ZNF880: variants seen among roughly 807,000 people sequenced by gnomAD.
ZNF880 encodes the protein zinc finger protein LOC400713.
A neutral mutation model predicts 11.8 loss-of-function variants in ZNF880; 12 were observed. The ratio of observed to expected loss-of-function variants is 1.02; its 90% CI spans 0.65 to 1.65. The LOEUF (loss-of-function observed/expected upper bound fraction) is 1.65. ZNF880 is among the 40% of genes most tolerant of loss of function. The pLI is 0.00. For missense variants in ZNF880, 601 were observed against 673.9 expected, an observed-to-expected ratio of 0.89 and a Z score of 1.20; for synonymous variants, 210 against 232.4, an observed-to-expected ratio of 0.90 and a Z score of 0.88.
At chr19:52,378,907 G>C (rs1986630060) in intron 3 of ZNF880, among the ~76,000 whole-genome samples, 1 of 151,438 alleles carries the variant, frequency 6.6e-6, no homozygotes, top group Non-Finnish European at 1.5e-5. Context: ...GCAAGAACTT[G>C]TCTCTACAAA....
In ZNF880 at chr19:52,384,009, T is replaced by G; in HGVS notation, c.429T>G (p.Val143=). 6.4e-7 allele frequency: 1 copy of G among 1,553,590 alleles called. No homozygotes were observed. The highest frequency in any genetic ancestry group is 8.7e-7 in the Non-Finnish European group (1 of 1,148,094). The part of the protein sequence containing the change: ...HVEKPINNSL[V]SPLQKIYSSV... Reference sequence around the variant, plus strand: ...AAAAACCTATCAACAATTCCTTAGTTTCACCACTTCAAAAAATTTATTCTA... The same window carrying G: ...AAAAACCTATCAACAATTCCTTAGTGTCACCACTTCAAAAAATTTATTCTA... Residue 143 remains valine, a synonymous_variant, in exon 4 of 4, where the codon GTT becomes GTG. Coordinates refer to ENST00000422689, the MANE Select transcript of ZNF880 (RefSeq NM_001145434.2).
downstream of ZNF880, chr19:52,389,254 C>A (rs1453196233): frequency 6.6e-6 from 1 of 152,180 alleles, no homozygotes; most frequent in Non-Finnish European, 1.5e-5. Context: ...CTCAAAAGTC[C>A]ACAGTCCAAA....
At position 52,384,868 on chromosome 19, in the gene ZNF880, C is replaced by A; in HGVS notation, c.1288C>A (p.His430Asn). 6.5e-7 allele frequency: 1 copy of A among 1,549,516 alleles called. No homozygotes were observed. Among genetic ancestry groups the A allele is most frequent in the South Asian group, 1.2e-5 (1 of 84,330 alleles). ...AGGCCTTACTGCCCATCTACTAATT[C>A]ACACTGGAGAGAAACCTTACAAATG... ...CSGLTAHLLI[H>N]TGEKPYKCKE... Residue 430 changes from histidine (H) to asparagine (N), a missense_variant, in exon 4 of 4, where the codon CAC becomes AAC. Physicochemically the swap from His to Asn is moderately conservative, Grantham distance 68. Coordinates refer to ENST00000422689, the MANE Select transcript of ZNF880 (RefSeq NM_001145434.2).
At chr19:52,389,071 C>G (rs1437571697), downstream of ZNF880, 1 of 152,196 alleles carries the variant, frequency 6.6e-6, no homozygotes. Context: ...TACCTCCCCC[C>G]GGGTCCCTCC....
At chr19:52,393,898 G>A in the ZNF880 span, among the ~76,000 whole-genome samples, 220 of 143,836 alleles carry the variant, frequency 1.5e-3, no homozygotes, top group Non-Finnish European at 2.5e-3. Flanking sequence ...GTGCAGTGGC[G>A]CGATCTCAGC....
At chr19:52,368,973 CAAAAAAAAA>C (rs3029482), upstream of ZNF880, among the ~76,000 whole-genome samples, 8 of 71,854 alleles carry the variant, frequency 1.1e-4, no homozygotes, top group African/African-American at 2.2e-4. Context: ...GAGACCATCT[CAAAAAAAAA>C]AAAAAAAAAA....
downstream of ZNF880, among the ~76,000 whole-genome samples, chr19:52,387,605 C>T (rs937083616): frequency 4.9e-5 from 7 of 142,020 alleles, no homozygotes; most frequent in Non-Finnish European, 1.1e-4. Flanking sequence ...CACGCTGCCA[C>T]GCCCAGCTAA....
chr19:52,376,500 C>A, intron 3 of ZNF880, among the ~76,000 whole-genome samples: 1 of 21,224 alleles, frequency 4.7e-5, no homozygotes, highest in South Asian at 3.3e-3. Context: ...AGCACCGCCC[C>A]CCCCCCCCCT....
downstream of ZNF880, among the ~76,000 whole-genome samples, chr19:52,388,282 C>CTTTTTTTTTTTTTT (rs68179783): frequency 0.075 from 4,771 of 63,224 alleles, 1,349 homozygotes; most frequent in Non-Finnish European, 0.09. Flanking sequence ...GCAATTTGAA[C>CTTTTTTTTTTTTTT]TTTTTTTTTT....
chr19:52,397,418 TC>T, the ZNF880 span: 1 of 152,174 alleles, frequency 6.6e-6, no homozygotes, highest in Non-Finnish European at 1.5e-5. Flanking sequence ...TTAATTCAAT[TC>T]CTAAAGCTTC....
At chr19:52,393,696 C>G in the ZNF880 span, among the ~76,000 whole-genome samples, 3 of 151,472 alleles carry the variant, frequency 2.0e-5, no homozygotes, top group Non-Finnish European at 4.4e-5. Flanking sequence ...ATTCATATTG[C>G]TTTACATGGA....
At chr19:52,386,047 C>T (rs372859725), downstream of ZNF880, among the ~76,000 whole-genome samples, 16 of 141,756 alleles carry the variant, frequency 1.1e-4, 3 homozygotes, top group East Asian at 2.0e-3. Context: ...TGGTGGCAGA[C>T]GCCTGTAGTC....
At chr19:52,373,043 G>C in intron 1 of ZNF880, 68 bp from the exon 2 acceptor site, 1 of 1,536,650 alleles carries the variant, frequency 6.5e-7, no homozygotes. Context: ...CTTCAATCAA[G>C]TCAGTCCTTA....
chr19:52,374,177 TG>T, intron 2 of ZNF880, 121 bp from the exon 3 acceptor site: 1 of 798,334 alleles, frequency 1.3e-6, no homozygotes, highest in Non-Finnish European at 1.9e-6. Context: ...GCTGAGTATC[TG>T]GGACTACAGG....
the ZNF880 span, among the ~76,000 whole-genome samples, chr19:52,395,226 C>A: frequency 2.0e-5 from 3 of 152,134 alleles, no homozygotes; most frequent in East Asian, 1.9e-4. Context: ...ACTTTTATTT[C>A]TTTTTCCTTT....
chr19:52,372,710 T>G (rs1320783352), intron 1 of ZNF880, among the ~76,000 whole-genome samples: 7 of 148,458 alleles, frequency 4.7e-5, no homozygotes, highest in Admixed American at 2.0e-4. Context: ...GACCATCCTG[T>G]GTAACATGGT....
chr19:52,367,795 CTCTT>C (rs368338283), upstream of ZNF880: 125 of 152,194 alleles, frequency 8.2e-4, no homozygotes, highest in African/African-American at 2.9e-3. Flanking sequence ...TTCTACATGC[CTCTT>C]TCTTGTGTGC....
the ZNF880 span, among the ~76,000 whole-genome samples, chr19:52,393,931 A>G: frequency 0.034 from 4,805 of 141,774 alleles, 267 homozygotes; most frequent in East Asian, 0.19. Flanking sequence ...CCGCCTCCTG[A>G]GTTCACGCCA....
chr19:52,370,951 A>G (rs531707875), intron 1 of ZNF880, among the ~76,000 whole-genome samples: 5 of 152,292 alleles, frequency 3.3e-5, no homozygotes, highest in African/African-American at 1.2e-4. Flanking sequence ...AATATCTAAA[A>G]AAGAGGTTAT....
Sources: gnomAD v4.1 joint callset for allele counts (sites outside exome capture counted in the v4.1 genomes callset) on GRCh38, gnomAD v4.1.1 for gene constraint, MANE v1.5 for transcripts, NCBI Gene and HGNC (gene_info 2026-07-23, HGNC 2026-07-21) for gene names.